Variants in SHF observed in about 807,000 individuals in gnomAD.
SHF encodes Src homology 2 domain containing F.
Under a neutral mutation model 42.4 loss-of-function variants are expected in SHF, and 30 were observed. The ratio of observed to expected loss-of-function variants is 0.71; its 90% CI spans 0.53 to 0.96. The LOEUF (loss-of-function observed/expected upper bound fraction) is 0.96, where lower values mean the gene tolerates loss of function less well. Among genes scored for constraint, SHF ranks in the 40% least tolerant of loss-of-function variants. SHF has a pLI of 0.00. For missense variants in SHF, 598 were observed against 634.0 expected (o/e 0.94, Z 0.61); for synonymous variants, 264 against 269.9 (o/e 0.98, Z 0.21).
In SHF at chr15:45,167,765, C is replaced by G. The variant is rs1477454233; in HGVS notation, c.*182G>C. On this transcript the variant is annotated 3_prime_UTR_variant, in exon 7 of 7. Transcript: ENST00000690270. Reference sequence around the variant, plus strand: ...TCCTCTTTCCCCAGCTCCAGACAACCCCTTACTCCAAGGCCCCAGGAGCCC... The same window carrying G: ...TCCTCTTTCCCCAGCTCCAGACAACGCCTTACTCCAAGGCCCCAGGAGCCC... 4.1e-6 allele frequency: 2 copies of G among 487,918 alleles called. No homozygotes were observed. Among genetic ancestry groups the G allele is most frequent in the Non-Finnish European group, 6.8e-6 (2 of 295,178 alleles). The allele number at this position is 487,918 out of a possible 1,614,324, so 30.2% of individuals were successfully genotyped here.
intron 1 of SHF, among the ~76,000 whole-genome samples, chr15:45,182,223 G>A (rs1595629764): frequency 6.6e-6 from 1 of 152,060 alleles, no homozygotes; most frequent in African/African-American, 2.4e-5. Flanking sequence ...AGCAAGAGGG[G>A]CACACGTTAC....
At chr15:45,168,208 C>T in intron 6 of SHF, 75 bp from the exon 7 acceptor site, 1 of 1,384,170 alleles carries the variant, frequency 7.2e-7, no homozygotes, top group African/African-American at 1.4e-5. Flanking sequence ...AGTAACCCTC[C>T]CCAACCCTAC....
chr15:45,171,696 A>G (rs1188832883), intron 6 of SHF, 187 bp downstream of exon 6: 2 of 637,868 alleles, frequency 3.1e-6, no homozygotes, highest in East Asian at 5.5e-5. Flanking sequence ...CGGATCAACT[A>G]TTTCTCCCAA....
In SHF at chr15:45,187,693, G is replaced by GGGGCGCGGC. The variant is rs1190924867; in HGVS notation, c.250_258dup (p.Ala84_Pro86dup). The GGGGCGCGGC allele has an allele frequency of 2.5e-6, 3 of 1,211,908 alleles. No homozygotes were observed. The African/African-American group carries it at 4.7e-5, about 19-fold the overall frequency. The allele number at this position is 1,211,908 out of a possible 1,614,324, so 75.1% of individuals were successfully genotyped here. A position where few individuals can be genotyped will look rare whatever the true frequency, so the allele number is the denominator to read the frequency against. On this transcript the variant is annotated inframe_insertion, in exon 1 of 7. Coordinates refer to ENST00000690270, the MANE Select transcript of SHF (RefSeq NM_001394037.1). The stretch of plus-strand genomic sequence containing the variant: ...GCCAGGATGTCCGGGGGCGGCGCGG[G>GGGGCGCGGC]GGGCGCGGCCGGAGAGGGCGCAGGG...
intron 1 of SHF, among the ~76,000 whole-genome samples, chr15:45,179,936 C>T (rs1026554972): frequency 1.3e-5 from 2 of 152,134 alleles, no homozygotes; most frequent in African/African-American, 2.4e-5. Flanking sequence ...ACCTCTTCAC[C>T]TCGGAGACCC....
chr15:45,191,327 T>C (rs1460791401), upstream of SHF, among the ~76,000 whole-genome samples: 1 of 152,266 alleles, frequency 6.6e-6, no homozygotes, highest in East Asian at 1.9e-4. Flanking sequence ...GTACTACAGG[T>C]GCACATTACC....
At chr15:45,175,135 C>T in intron 3 of SHF, 84 bp downstream of exon 3, 1 of 1,425,712 alleles carries the variant, frequency 7.0e-7, no homozygotes, top group Non-Finnish European at 9.5e-7. Flanking sequence ...TCTCTGGGTT[C>T]CTGGGGTCCA....
At position 45,197,827 on chromosome 15, in the gene SHF, GAAAAAAA is replaced by G. The variant is rs59128375; in HGVS notation, c.303+938_303+944del. Among the ~76,000 whole-genome samples the G allele has an allele frequency of 1.4e-4, 19 of 133,622 alleles. No individual in the cohort carries two copies. In the South Asian group the frequency reaches 4.3e-3, roughly 30 times the overall value. 87.7% of individuals were successfully genotyped at this position (133,622 alleles called of 152,430 possible). On this transcript the variant is annotated intron_variant, in intron 2 of 7. Transcript: ENST00000290894. ...TTCTGTTCACATTCCATCACCTCAG[GAAAAAAA>G]AAAAAAAAAAAGAGAGCGGGCAAGC...
At chr15:45,175,498 C>T in intron 2 of SHF, 73 bp from the exon 3 acceptor site, 1 of 1,471,640 alleles carries the variant, frequency 6.8e-7, no homozygotes, top group Non-Finnish European at 9.3e-7. Context: ...TCCAATGCTT[C>T]TCAGCAACAA....
chr15:45,182,457 T>C (rs915807054), intron 1 of SHF, among the ~76,000 whole-genome samples: 9 of 152,218 alleles, frequency 5.9e-5, no homozygotes, highest in Non-Finnish European at 1.3e-4. Flanking sequence ...CAGTGCTGAA[T>C]AAATGTTAGC....
chr15:45,174,859 T>G (rs1194769289), intron 3 of SHF, among the ~76,000 whole-genome samples: 1 of 152,226 alleles, frequency 6.6e-6, no homozygotes, highest in Non-Finnish European at 1.5e-5. Flanking sequence ...AGTAAGTGCC[T>G]TCTTTTGTTA....
exon 2 of SHF, chr15:45,198,993 G>A: frequency 6.2e-7 from 1 of 1,612,264 alleles, no homozygotes; most frequent in Middle Eastern, 1.6e-4. Flanking sequence ...CGTTTCCTAT[G>A]CCCCGGAGAC....
At position 45,170,546 on chromosome 15, in the gene SHF, T is replaced by C. The variant is rs540250326; in HGVS notation, c.1280+1337A>G. On this transcript the variant is annotated intron_variant, in intron 6 of 6. Transcript: ENST00000690270. ...AGGTAGAAACCGAGGCTCGGAGATA[T>C]TAAGTGATTTCCCTAGGATCACATA... The C allele has an allele frequency of 9.4e-4, 756 of 803,714 alleles. 19 individuals are homozygous for C. The highest frequency in any genetic ancestry group is 1.8e-4 in the South Asian group (11 of 62,160). 49.8% of individuals were successfully genotyped at this position (803,714 alleles called of 1,614,324 possible).
upstream of SHF, among the ~76,000 whole-genome samples, chr15:45,189,935 G>A (rs1898665824): frequency 2.0e-5 from 3 of 152,224 alleles, no homozygotes; most frequent in Admixed American, 6.5e-5. Context: ...AGAAGTTCAA[G>A]GCTGCAGCGA....
intron 1 of SHF, among the ~76,000 whole-genome samples, chr15:45,185,910 AC>A (rs1476907229): frequency 2.6e-5 from 4 of 152,266 alleles, no homozygotes; most frequent in African/African-American, 9.6e-5. Context: ...CTTGGGAGAC[AC>A]AAGAAGACAT....
intron 2 of SHF, among the ~76,000 whole-genome samples, chr15:45,177,898 G>T (rs985085722): frequency 3.3e-5 from 5 of 152,098 alleles, no homozygotes; most frequent in African/African-American, 1.2e-4. Context: ...GATCCTCCCA[G>T]CCCTCACCAC....
chr15:45,186,805 C>T (rs1486587792), intron 1 of SHF, among the ~76,000 whole-genome samples: 1 of 152,250 alleles, frequency 6.6e-6, no homozygotes, highest in East Asian at 1.9e-4. Context: ...TGGGCCTGGA[C>T]CCCACGAAGC....
exon 2 of SHF, chr15:45,198,921 G>C: frequency 3.1e-6 from 5 of 1,613,742 alleles, no homozygotes; most frequent in Non-Finnish European, 3.4e-6. Context: ...GAGTTTAGGG[G>C]AGACGGCGTG....
chr15:45,190,346 C>T (rs1404158348), upstream of SHF, among the ~76,000 whole-genome samples: 3 of 152,300 alleles, frequency 2.0e-5, no homozygotes, highest in Middle Eastern at 3.4e-3. Flanking sequence ...ATCAGAGAGT[C>T]TCCACAGTCA....
Sources: allele counts gnomAD v4.1 joint callset (sites outside exome capture counted in the v4.1 genomes callset), GRCh38; gene constraint gnomAD v4.1.1; transcripts MANE v1.5; gene names NCBI Gene and HGNC (gene_info 2026-07-23, HGNC 2026-07-21).